Variants in PKD1L1 observed in about 807,000 individuals in gnomAD.
PKD1L1 encodes polycystin-1-like protein 1.
PKD1L1 carries 236 observed loss-of-function variants against 323.4 expected under a neutral mutation model. The ratio of observed to expected loss-of-function variants is 0.73; its 90% confidence interval spans 0.66 to 0.81. The LOEUF (loss-of-function observed/expected upper bound fraction) is 0.81. Ranked by LOEUF, PKD1L1 falls within the 40% of genes least tolerant of loss-of-function variation. The pLI, the probability that PKD1L1 is intolerant of heterozygous loss-of-function variation, is 0.00. For missense variants in PKD1L1, 3,320 were observed against 3,508.0 expected (o/e 0.95, Z 1.35); for synonymous variants, 1,344 against 1,335.0 (o/e 1.01, Z -0.15).
At chr7:47,815,609 A>G (rs1237876360) in intron 46 of PKD1L1, 152 bp from the exon 47 acceptor site, 1 of 899,912 alleles carries the variant, frequency 1.1e-6, no homozygotes, top group African/African-American at 1.7e-5. Flanking sequence ...AGCGTGAAGC[A>G]TGAAACCCTG....
chr7:47,888,698 G>A (rs1786740618), intron 16 of PKD1L1, among the ~76,000 whole-genome samples: 2 of 152,168 alleles, frequency 1.3e-5, no homozygotes, highest in South Asian at 4.1e-4. Context: ...CAGGGTTGTG[G>A]GTCATGGGCA....
intron 46 of PKD1L1, chr7:47,819,626 T>A: frequency 7.8e-7 from 1 of 1,289,328 alleles, no homozygotes; most frequent in Non-Finnish European, 1.0e-6. Context: ...TTAATTTCAC[T>A]ATTACAATGC....
intron 13 of PKD1L1, among the ~76,000 whole-genome samples, chr7:47,899,497 C>G (rs919362079): frequency 7.9e-5 from 12 of 152,186 alleles, no homozygotes; most frequent in Admixed American, 5.9e-4. Flanking sequence ...CTCCACACCC[C>G]CTACTTTGGG....
At chr7:47,861,683 C>T (rs1345778049) in intron 26 of PKD1L1, among the ~76,000 whole-genome samples, 1 of 151,376 alleles carries the variant, frequency 6.6e-6, no homozygotes, top group African/African-American at 2.4e-5. Context: ...GAGATCGAGA[C>T]CATCCTGGCT....
chr7:47,834,816 A>C (rs1194460999), intron 39 of PKD1L1, 151 bp downstream of exon 39: 1 of 651,802 alleles, frequency 1.5e-6, no homozygotes, highest in African/African-American at 1.8e-5. Flanking sequence ...ACAGAAAATA[A>C]AATGACTTTT....
intron 19 of PKD1L1, among the ~76,000 whole-genome samples, chr7:47,882,462 C>T (rs1208637604): frequency 1.3e-5 from 2 of 152,010 alleles, no homozygotes; most frequent in Admixed American, 1.3e-4. Flanking sequence ...TGAGAAAACA[C>T]ATAAATAAAT....
At chr7:47,953,746 G>A in the PKD1L1 span, among the ~76,000 whole-genome samples, 1 of 152,234 alleles carries the variant, frequency 6.6e-6, no homozygotes, top group South Asian at 2.1e-4. Flanking sequence ...AAGTGTTAAT[G>A]AGGAAGTCCA....
At chr7:47,778,912 T>C (rs1786628668) in intron 56 of PKD1L1, among the ~76,000 whole-genome samples, 1 of 152,192 alleles carries the variant, frequency 6.6e-6, no homozygotes, top group Non-Finnish European at 1.5e-5. Flanking sequence ...ATTGTGCCCA[T>C]AGAACAGACA....
At chr7:47,842,387 G>A (rs1372370479) in intron 34 of PKD1L1, among the ~76,000 whole-genome samples, 2 of 152,078 alleles carry the variant, frequency 1.3e-5, no homozygotes, top group African/African-American at 4.8e-5. Flanking sequence ...GTTCCCTCGG[G>A]AAATGGAAGC....
At chr7:47,875,067 A>G (rs577272719) in intron 23 of PKD1L1, among the ~76,000 whole-genome samples, 15 of 152,322 alleles carry the variant, frequency 9.8e-5, no homozygotes, top group African/African-American at 9.6e-5. Context: ...AGGTCCTTCT[A>G]TTGGAACATT....
rs1785525623 is a variant in PKD1L1, at chr7:47,839,530, G to A, written c.5685C>T (p.Ala1895=). 9 of 1,611,438 alleles carry A rather than the reference G, an allele frequency of 5.6e-6. No individual in the cohort carries two copies. Among genetic ancestry groups the A allele is most frequent in the Non-Finnish European group, 7.6e-6 (9 of 1,179,372 alleles). ...LHTGQGWFFP[A]QCWLSAGRHD... ...GCCTGCCGGCAGACAGCCAGCACTG[G>A]GCAGGGAAGAACCAGCCCTGTCCCG... The change falls in exon 36 of 57, where the codon GCC becomes GCT. Residue 1895 remains alanine, a synonymous_variant. Coordinates refer to ENST00000289672, the MANE Select transcript of PKD1L1 (RefSeq NM_138295.5). The surrounding 1 kb of genome is among the most constrained non-coding windows in gnomAD (Gnocchi z 4.3).
chr7:47,935,091 C>T (rs1049106559), intron 4 of PKD1L1, among the ~76,000 whole-genome samples: 15 of 152,208 alleles, frequency 9.9e-5, no homozygotes, highest in Admixed American at 4.6e-4. Context: ...ATGACATTCC[C>T]GTGGCGGCAC....
intron 26 of PKD1L1, among the ~76,000 whole-genome samples, chr7:47,863,341 G>T (rs1352552583): frequency 6.6e-6 from 1 of 152,086 alleles, no homozygotes; most frequent in African/African-American, 2.4e-5. Flanking sequence ...TGTCTGGGGA[G>T]CTTGAGTCAG....
At chr7:47,832,116 T>A (rs1785359612) in intron 41 of PKD1L1, among the ~76,000 whole-genome samples, 1 of 152,258 alleles carries the variant, frequency 6.6e-6, no homozygotes, top group Admixed American at 6.5e-5. Flanking sequence ...TAAGAAGCTC[T>A]TGCTGGGAAG....
intron 17 of PKD1L1, among the ~76,000 whole-genome samples, chr7:47,886,529 ATGGGGG>A (rs1268669948): frequency 2.6e-5 from 4 of 152,138 alleles, no homozygotes; most frequent in Non-Finnish European, 4.4e-5. Flanking sequence ...TGTTTAGATC[ATGGGGG>A]TGGATCCCTC....
chr7:47,834,288 G>A, intron 40 of PKD1L1, 51 bp downstream of exon 40: 1 of 1,572,710 alleles, frequency 6.4e-7, no homozygotes, highest in Non-Finnish European at 8.7e-7. Context: ...AAATCTAATT[G>A]TTTGCATTTC....
In PKD1L1 at chr7:47,931,199, C is replaced by A; in HGVS notation, c.642G>T (p.Thr214=). 2 of 1,614,158 alleles carry A rather than the reference C, an allele frequency of 1.2e-6. No individual in the cohort carries two copies. The highest frequency in any genetic ancestry group is 1.7e-6 in the Non-Finnish European group (2 of 1,180,028). Reference sequence around the variant, plus strand: ...TGGCCACCTTGGTGGGGGTCTCCATCGTGACAGTCCCAGGAAGCAGCCCCG... The same window carrying A: ...TGGCCACCTTGGTGGGGGTCTCCATAGTGACAGTCCCAGGAAGCAGCCCCG... The part of the protein sequence containing the change: ...VATGLLPGTV[T]METPTKVARP... Residue 214 remains threonine (T), a synonymous_variant, in exon 6 of 57, where the codon ACG becomes ACT. Transcript: ENST00000289672.
In PKD1L1 at chr7:47,866,397, C is replaced by T. The variant is rs200806347; in HGVS notation, c.4092+22G>A. On this transcript the variant is annotated intron_variant, in intron 25 of 56. Transcript: ENST00000289672. The stretch of plus-strand genomic sequence containing the variant: ...TTGATAAAGGTTTACAGACACTAAA[C>T]TCACCCTCCTCTGAGCCATACCTGA... The T allele has an allele frequency of 5.8e-4, 933 of 1,605,976 alleles. 1 individual carries two copies. Among genetic ancestry groups the T allele is most frequent in the Non-Finnish European group, 6.8e-4 (796 of 1,177,066 alleles).
chr7:47,898,538 T>C (rs1787010594), intron 13 of PKD1L1, among the ~76,000 whole-genome samples: 1 of 152,126 alleles, frequency 6.6e-6, no homozygotes, highest in African/African-American at 2.4e-5. Flanking sequence ...AAAATATAAA[T>C]GTTATGCTTC....
Sources: allele counts gnomAD v4.1 joint callset (sites outside exome capture counted in the v4.1 genomes callset), GRCh38; gene constraint gnomAD v4.1.1; non-coding constraint Gnocchi (gnomAD v3.1); transcripts MANE v1.5; gene names NCBI Gene and HGNC (gene_info 2026-07-23, HGNC 2026-07-21).